Variants in THAP12 observed in about 807,000 individuals in gnomAD.
THAP12 encodes THAP domain containing 12, also known as 52 kDa repressor of the inhibitor of the protein kinase.
THAP12 carries 20 observed loss-of-function variants against 63.0 expected under a neutral mutation model. That is an observed-to-expected ratio of 0.32 (90% CI 0.22 to 0.46). THAP12 has a LOEUF of 0.46. THAP12 is among the 20% of genes least tolerant of loss of function. THAP12 has a pLI of 1.00. For synonymous variants in THAP12, 264 were observed against 328.4 expected (o/e 0.80, Z 2.12); for missense variants, 568 against 908.2 (o/e 0.63, Z 4.81).
In THAP12 at chr11:76,355,603, A is replaced by G. The variant is rs1159597211; in HGVS notation, c.355+15T>C. 4 of 1,593,104 alleles carry G rather than the reference A, an allele frequency of 2.5e-6. No homozygotes were observed. Among genetic ancestry groups the G allele is most frequent in the Non-Finnish European group, 3.4e-6 (4 of 1,171,046 alleles). On this transcript the variant is annotated intron_variant, in intron 4 of 4. Coordinates refer to ENST00000260045, the MANE Select transcript of THAP12 (RefSeq NM_004705.4). Reference sequence around the variant, plus strand: ...AAAGGCATTCAGAAGTTGAGTCATTAACACTATCACTTACTTTTTTTCTGT... The same window carrying G: ...AAAGGCATTCAGAAGTTGAGTCATTGACACTATCACTTACTTTTTTTCTGT...
intron 1 of THAP12, among the ~76,000 whole-genome samples, chr11:76,380,038 A>G (rs1032540636): frequency 6.6e-6 from 1 of 152,192 alleles, no homozygotes; most frequent in African/African-American, 2.4e-5. Flanking sequence ...TGAACCAACA[A>G]GACAGGCCTA....
chr11:76,365,989 A>C lies in THAP12; in HGVS notation c.90-17T>G. The C allele has an allele frequency of 6.2e-7, 1 of 1,607,486 alleles. No homozygotes were observed. Among genetic ancestry groups the C allele is most frequent in the Non-Finnish European group, 8.5e-7 (1 of 1,178,280 alleles). ...TTCTGGCATCTATAAATAAAACCAA[A>C]ATACAATTATGAAAATGAGCTCAGC... On this transcript the variant is annotated splice_polypyrimidine_tract_variant and intron_variant, in intron 1 of 4. Transcript: ENST00000260045.
intron 1 of THAP12, among the ~76,000 whole-genome samples, chr11:76,378,100 G>C (rs1182016521): frequency 6.6e-6 from 1 of 152,090 alleles, no homozygotes; most frequent in Non-Finnish European, 1.5e-5. Context: ...TCTTTTTACT[G>C]CATGTATTTT....
rs1946533647 is a variant in THAP12, at chr11:76,352,406, T to C, written c.744A>G (p.Glu248=). ...AGTCTCTCACTTCCCTGAGAGTTTC[T>C]TCTCGAATACAGCTCTCACAGATCT... The part of the protein sequence containing the change: ...MLEICESCIR[E]ETLREVRDSH... Residue 248 remains glutamate (E), a synonymous_variant, in exon 5 of 5, where the codon GAA becomes GAG. Coordinates refer to ENST00000260045, the MANE Select transcript of THAP12 (RefSeq NM_004705.4). 1 of 1,611,956 alleles carries C rather than the reference T, an allele frequency of 6.2e-7. No individual in the cohort carries two copies. The highest frequency in any genetic ancestry group is 8.5e-7 in the Non-Finnish European group (1 of 1,179,804).
chr11:76,364,063 A>G (rs1450536838), intron 2 of THAP12, among the ~76,000 whole-genome samples: 1 of 152,252 alleles, frequency 6.6e-6, no homozygotes, highest in African/African-American at 2.4e-5. Context: ...AGAATGTAAG[A>G]ATGAACTATC....
intron 3 of THAP12, 59 bp downstream of exon 3, chr11:76,360,897 G>A: frequency 1.8e-6 from 2 of 1,119,886 alleles, no homozygotes; most frequent in Non-Finnish European, 1.3e-6. Flanking sequence ...AAATGCATCT[G>A]TATTTGATTT....
In THAP12 at chr11:76,350,665, G is replaced by A. The variant is rs564229348; in HGVS notation, c.*199C>T. The A allele has an allele frequency of 4.1e-6, 2 of 491,836 alleles. No homozygotes were observed. The highest frequency in any genetic ancestry group is 6.5e-6 in the Non-Finnish European group (2 of 309,442). The allele number at this position is 491,836 out of a possible 1,614,324, so 30.5% of individuals were successfully genotyped here. A position where few individuals can be genotyped will look rare whatever the true frequency, so the allele number is the denominator to read the frequency against. ...CAAAAGGAAACATGGCACTTTCAAC[G>A]TTCTCTTCTGGAAGAACAGGTAGGT... On this transcript the variant is annotated 3_prime_UTR_variant, in exon 5 of 5. Transcript: ENST00000260045.
chr11:76,380,169 C>T (rs1016615737), intron 1 of THAP12, among the ~76,000 whole-genome samples: 4 of 152,194 alleles, frequency 2.6e-5, no homozygotes, highest in African/African-American at 9.7e-5. Flanking sequence ...ACGCGTACAC[C>T]CTCTGTTATC....
At chr11:76,376,102 G>A (rs1946708017) in intron 1 of THAP12, among the ~76,000 whole-genome samples, 3 of 152,086 alleles carry the variant, frequency 2.0e-5, no homozygotes, top group Non-Finnish European at 4.4e-5. Flanking sequence ...TTTTGTTTGG[G>A]ATAAATGAAA....
intron 1 of THAP12, among the ~76,000 whole-genome samples, chr11:76,380,330 G>C (rs1363558850): frequency 6.6e-6 from 1 of 152,144 alleles, no homozygotes; most frequent in South Asian, 2.1e-4. Context: ...CGGGGGTGGT[G>C]GCAAGGAGAG....
chr11:76,366,656 G>A (rs1350412083), intron 1 of THAP12, among the ~76,000 whole-genome samples: 3 of 151,834 alleles, frequency 2.0e-5, no homozygotes, highest in East Asian at 3.9e-4. Flanking sequence ...ACTCCAGCCT[G>A]GGTGACAGAG....
At chr11:76,360,279 C>T (rs917546255) in intron 3 of THAP12, among the ~76,000 whole-genome samples, 9 of 152,180 alleles carry the variant, frequency 5.9e-5, no homozygotes, top group African/African-American at 1.9e-4. Context: ...TGGACACCAA[C>T]TGGTAGGGAA....
In THAP12 at chr11:76,351,137, G is replaced by T; in HGVS notation, c.2013C>A (p.Ile671=). The T allele has an allele frequency of 6.2e-7, 1 of 1,607,352 alleles. No homozygotes were observed. The highest frequency in any genetic ancestry group is 8.5e-7 in the Non-Finnish European group (1 of 1,177,260). The change falls in exon 5 of 5, where the codon ATC becomes ATA. Residue 671 remains isoleucine, a synonymous_variant. Coordinates refer to ENST00000260045, the MANE Select transcript of THAP12 (RefSeq NM_004705.4). ...TIYEALHLPD[I]KFFPNVYALL... is the part of the protein sequence containing the mutation. ...ATGCATACACATTAGGAAAAAACTT[G>T]ATGTCAGGCAGGTGGAGGGCTTCAT...
At position 76,380,738 on chromosome 11, in the gene THAP12, C is replaced by A. The variant is rs1481201523; in HGVS notation, c.89+10G>T. ...GGGCCCGGGCCGCCCGCTCTGCGCC[C>A]GCCGCTTACCTGGCAGGGTCCCGCG... On this transcript the variant is annotated intron_variant, in intron 1 of 4. Transcript: ENST00000260045. The A allele has an allele frequency of 1.4e-6, 2 of 1,430,844 alleles. No homozygotes were observed. The highest frequency in any genetic ancestry group is 1.8e-6 in the Non-Finnish European group (2 of 1,083,212). 88.6% of individuals were successfully genotyped at this position (1,430,844 alleles called of 1,614,324 possible). A position where few individuals can be genotyped will look rare whatever the true frequency, so the allele number is the denominator to read the frequency against.
At chr11:76,377,263 A>T (rs1014605036) in intron 1 of THAP12, among the ~76,000 whole-genome samples, 1 of 152,214 alleles carries the variant, frequency 6.6e-6, no homozygotes, top group East Asian at 1.9e-4. Flanking sequence ...AATTCTCATA[A>T]CATAAAACTA....
Position 76,351,824 on chromosome 11 carries a change from T to C in THAP12, c.1326A>G (p.Gln442=). The change falls in exon 5 of 5, where the codon CAA becomes CAG. Residue 442 remains glutamine (Q), a synonymous_variant. Transcript: ENST00000260045. The part of the protein sequence containing the change: ...DAFEILVELL[Q]ALVLCLDGIN... ...TACCATCTAAACATAAAACAAGTGC[T>C]TGCAGGAGTTCCACTAAAATTTCAA... 3.1e-6 allele frequency: 5 copies of C among 1,602,278 alleles called. No individual in the cohort carries two copies. The highest frequency in any genetic ancestry group is 4.3e-6 in the Non-Finnish European group (5 of 1,174,882).
At chr11:76,354,611 C>A (rs1288950167) in intron 4 of THAP12, among the ~76,000 whole-genome samples, 1 of 152,160 alleles carries the variant, frequency 6.6e-6, no homozygotes, top group African/African-American at 2.4e-5. Flanking sequence ...TAATTCAAGG[C>A]CTTTCAACTT....
At position 76,368,442 on chromosome 11, in the gene THAP12, T is replaced by C. The variant is rs1186531102; in HGVS notation, c.90-2470A>G. ...TGTGAGAGAGAGCAAGAGAAAGAAA[T>C]GACAAATTATTCTAAAACTTTTTAT... On this transcript the variant is annotated intron_variant, in intron 1 of 4. Coordinates refer to ENST00000260045, the MANE Select transcript of THAP12 (RefSeq NM_004705.4). 3 of 152,026 alleles carry C rather than the reference T, an allele frequency of 2.0e-5. No individual in the cohort carries two copies. The East Asian group carries it at 5.8e-4, about 29-fold the overall frequency. 9.4% of individuals were successfully genotyped at this position (152,026 alleles called of 1,614,324 possible). A position where few individuals can be genotyped will look rare whatever the true frequency, so the allele number is the denominator to read the frequency against.
At chr11:76,368,334 T>G (rs1946646761) in intron 1 of THAP12, among the ~76,000 whole-genome samples, 1 of 152,244 alleles carries the variant, frequency 6.6e-6, no homozygotes, top group South Asian at 2.1e-4. Context: ...CACAAGTTTA[T>G]GAACTGGCAC....
Sources: gnomAD v4.1 joint callset for allele counts (sites outside exome capture counted in the v4.1 genomes callset) on GRCh38, gnomAD v4.1.1 for gene constraint, MANE v1.5 for transcripts, NCBI Gene and HGNC (gene_info 2026-07-23, HGNC 2026-07-21) for gene names.